GATA6: variants seen among roughly 807,000 people sequenced by gnomAD.
GATA6 encodes the protein GATA binding protein 6.
In GATA6, 11 loss-of-function variants were observed where a neutral mutation model predicts 48.1. The ratio of observed to expected loss-of-function variants is 0.23; its 90% confidence interval spans 0.14 to 0.38. The LOEUF (loss-of-function observed/expected upper bound fraction) is 0.38, where lower values mean the gene tolerates loss of function less well. Among genes scored for constraint, GATA6 ranks in the 10% least tolerant of loss-of-function variants. The pLI, the probability that GATA6 is intolerant of heterozygous loss-of-function variation, is 1.00. For missense variants in GATA6, 795 were observed against 850.3 expected (o/e 0.93, Z 0.81); for synonymous variants, 419 against 396.1 (o/e 1.06, Z -0.69).
chr18:22,179,868 A>G (rs1483956661), intron 3 of GATA6, among the ~76,000 whole-genome samples: 1 of 152,210 alleles, frequency 6.6e-6, no homozygotes, highest in Non-Finnish European at 1.5e-5. Context: ...GTCTCTGTTT[A>G]TAACTTCTCT....
Position 22,171,049 on chromosome 18 carries a change from C to T in GATA6, c.-37-59C>T. 9.6e-7 allele frequency: 1 copy of T among 1,044,792 alleles called. No individual in the cohort carries two copies. Among genetic ancestry groups the T allele is most frequent in the South Asian group, 1.3e-5 (1 of 75,286 alleles). The allele number at this position is 1,044,792 out of a possible 1,614,324, so 64.7% of individuals were successfully genotyped here. A position where few individuals can be genotyped will look rare whatever the true frequency, so the allele number is the denominator to read the frequency against. ...GAGTGGAGGCGAGGTAGCGTGCAGC[C>T]TACGCTCTTGTTAACCCGTCGATCT... On this transcript the variant is annotated intron_variant, in intron 1 of 6. Transcript: ENST00000269216. The surrounding 1 kb of genome is among the most constrained non-coding windows in gnomAD (Gnocchi z 7.1).
chr18:22,178,128 ATTT>A (rs752625206), intron 3 of GATA6, among the ~76,000 whole-genome samples: 2 of 149,986 alleles, frequency 1.3e-5, no homozygotes. Context: ...CGCCCGGCTC[ATTT>A]TTTTGTATTT....
chr18:22,177,943 TG>T (rs1297344306), intron 3 of GATA6, among the ~76,000 whole-genome samples: 30 of 132,010 alleles, frequency 2.3e-4, no homozygotes, highest in African/African-American at 1.0e-3. Context: ...CACGTTTTAC[TG>T]TTTTTTTGTT....
intron 6 of GATA6, among the ~76,000 whole-genome samples, chr18:22,184,020 G>A (rs1476373778): frequency 1.3e-5 from 2 of 152,006 alleles, no homozygotes; most frequent in Non-Finnish European, 2.9e-5. Context: ...CAGATTCCTG[G>A]GCCCCACCCT....
rs574857132 is a variant in GATA6, at chr18:22,177,963, T to G, written c.1302+842T>G. Among the ~76,000 whole-genome samples the G allele has an allele frequency of 3.8e-3, 519 of 135,908 alleles. 6 individuals are homozygous for G. Among genetic ancestry groups the G allele is most frequent in the South Asian group, 0.02 (79 of 4,022 alleles). 89.2% of individuals were successfully genotyped at this position (135,908 alleles called of 152,430 possible). On this transcript the variant is annotated intron_variant, in intron 3 of 6. Coordinates refer to ENST00000269216, the MANE Select transcript of GATA6 (RefSeq NM_005257.6). ...TTTACTGTTTTTTTGTTTTTTTTTT[T>G]TTTTTTTTTTTTTTTGAGACGGAGT...
rs1205923643 is a variant in GATA6, at chr18:22,177,042, A to G, written c.1223A>G (p.His408Arg). The G allele has an allele frequency of 4.4e-6, 7 of 1,577,806 alleles. No individual in the cohort carries two copies. In the Admixed American group the frequency reaches 5.4e-5, roughly 12 times the overall value. The change falls in exon 3 of 7, where the codon CAC (histidine) becomes CGC (arginine). Residue 408 changes from histidine (H) to arginine (R), a missense_variant. By Grantham distance (29) the His-to-Arg change is conservative (BLOSUM62 0). Around this residue, in one of 5 missense-constraint regions of GATA6, gnomAD observed 76 missense variants for 113.1 expected, o/e 0.67. Coordinates refer to ENST00000269216, the MANE Select transcript of GATA6 (RefSeq NM_005257.6). The part of the protein sequence containing the change: ...TPLWRRDGTG[H>R]YLCNACGLYS... ...CTGTGGCGGCGGGACGGCACCGGCC[A>G]CTACCTGTGCAACGCCTGCGGGCTC...
chr18:22,192,481 A>G (rs2033339408), intron 6 of GATA6, among the ~76,000 whole-genome samples: 1 of 152,130 alleles, frequency 6.6e-6, no homozygotes, highest in South Asian at 2.1e-4. Context: ...CATTTTAGAG[A>G]TTTGTATTTC....
Position 22,170,168 on chromosome 18 carries a change from G to C in GATA6, c.-38+486G>C, listed in dbSNP as rs1259347235. Among the ~76,000 whole-genome samples the C allele has an allele frequency of 3.9e-5, 6 of 152,118 alleles. No homozygotes were observed. Among genetic ancestry groups the C allele is most frequent in the Middle Eastern group, 3.2e-3 (1 of 316 alleles). On this transcript the variant is annotated intron_variant, in intron 1 of 6. Coordinates refer to ENST00000269216, the MANE Select transcript of GATA6 (RefSeq NM_005257.6). The surrounding 1 kb of genome is among the most constrained non-coding windows in gnomAD (Gnocchi z 6.7). ...TTTGGGGTCGCCTCGGCTCTGGGGC[G>C]GTCTCACGCTCCCCCCTCCCCAGCC...
rs1567992732 is a variant in GATA6, at chr18:22,172,291, G to C, written c.1135+12G>C. On this transcript the variant is annotated intron_variant, in intron 2 of 6. Coordinates refer to ENST00000269216, the MANE Select transcript of GATA6 (RefSeq NM_005257.6). This position sits in a 1 kb window ranked among gnomAD's most constrained non-coding sequence, Gnocchi z 5.2. ...GGGTCCCAGTGCAGGTAAGGGTCGC[G>C]CCTCAGGTTCGGGGTGCGGGTCCAA... 2 of 1,530,908 alleles carry C rather than the reference G, an allele frequency of 1.3e-6. No homozygotes were observed. The highest frequency in any genetic ancestry group is 1.7e-6 in the Non-Finnish European group (2 of 1,144,926). The allele number at this position is 1,530,908 out of a possible 1,614,324, so 94.8% of individuals were successfully genotyped here.
intron 3 of GATA6, among the ~76,000 whole-genome samples, chr18:22,179,248 A>G (rs1464780534): frequency 6.6e-6 from 1 of 152,192 alleles, no homozygotes; most frequent in Non-Finnish European, 1.5e-5. Context: ...GTTTTGATGG[A>G]TCTGGCTTAG....
In GATA6 at chr18:22,170,916, C is replaced by T. The variant is rs970722676; in HGVS notation, c.-37-192C>T. On this transcript the variant is annotated intron_variant, in intron 1 of 6. Coordinates refer to ENST00000269216, the MANE Select transcript of GATA6 (RefSeq NM_005257.6). This position sits in a 1 kb window ranked among gnomAD's most constrained non-coding sequence, Gnocchi z 6.7. ...CAGGGCCCTGTGGCGGCTGCGCAGGCTCCCTTCCCCTCCCTTATTGATCTC... is the reference window on the plus strand; with the variant it reads ...CAGGGCCCTGTGGCGGCTGCGCAGGTTCCCTTCCCCTCCCTTATTGATCTC... 1.6e-4 allele frequency: 92 copies of T among 587,862 alleles called. No homozygotes were observed. The highest frequency in any genetic ancestry group is 9.9e-4 in the South Asian group (48 of 48,262). The allele number at this position is 587,862 out of a possible 1,614,324, so 36.4% of individuals were successfully genotyped here.
At chr18:22,196,603 T>C (rs2033392681) in intron 6 of GATA6, among the ~76,000 whole-genome samples, 1 of 152,070 alleles carries the variant, frequency 6.6e-6, no homozygotes, top group Non-Finnish European at 1.5e-5. Flanking sequence ...TAGCTGGGCA[T>C]GGTGGCACAT....
At chr18:22,193,911 C>G (rs1204633054) in intron 6 of GATA6, among the ~76,000 whole-genome samples, 1 of 152,144 alleles carries the variant, frequency 6.6e-6, no homozygotes, top group Non-Finnish European at 1.5e-5. Flanking sequence ...GGCTGTGTTG[C>G]CTTCCCATCA....
intron 2 of GATA6, among the ~76,000 whole-genome samples, chr18:22,174,095 G>A (rs539412300): frequency 6.6e-6 from 1 of 152,224 alleles, no homozygotes; most frequent in Non-Finnish European, 1.5e-5. Context: ...CCCGTGTTTG[G>A]CTCCCAGGAG....
chr18:22,195,306 A>G (rs2033377060), intron 6 of GATA6, among the ~76,000 whole-genome samples: 1 of 151,996 alleles, frequency 6.6e-6, no homozygotes, highest in Admixed American at 6.6e-5. Flanking sequence ...TCAGGGGCGG[A>G]TGGGGGCCCT....
At chr18:22,189,876 A>G (rs2033306207) in intron 6 of GATA6, among the ~76,000 whole-genome samples, 1 of 152,118 alleles carries the variant, frequency 6.6e-6, no homozygotes, top group African/African-American at 2.4e-5. Context: ...GATACATTTT[A>G]TTTTTTACTC....
At chr18:22,190,944 C>A (rs1385341526) in intron 6 of GATA6, among the ~76,000 whole-genome samples, 1 of 151,738 alleles carries the variant, frequency 6.6e-6, no homozygotes, top group Non-Finnish European at 1.5e-5. Flanking sequence ...GTCACCCCGG[C>A]AGGGAATGTT....
intron 6 of GATA6, among the ~76,000 whole-genome samples, chr18:22,199,662 G>A (rs1333031941): frequency 6.6e-6 from 1 of 152,132 alleles, no homozygotes; most frequent in Non-Finnish European, 1.5e-5. Flanking sequence ...CAGCACTCTG[G>A]GAGGCCCAGG....
intron 6 of GATA6, among the ~76,000 whole-genome samples, chr18:22,199,900 CAAA>C (rs35638046): frequency 2.6e-4 from 18 of 68,356 alleles, no homozygotes; most frequent in African/African-American, 7.4e-4. Flanking sequence ...GACTCTGTTT[CAAA>C]AAAAAAAAAA....
Sources: gnomAD v4.1 joint callset for allele counts (sites outside exome capture counted in the v4.1 genomes callset) on GRCh38, gnomAD v4.1.1 for gene constraint, gnomAD v4.1.1 regional missense constraint, Gnocchi (gnomAD v3.1) non-coding constraint, MANE v1.5 for transcripts, NCBI Gene and HGNC (gene_info 2026-07-23, HGNC 2026-07-21) for gene names.